Variants in KCNK2 observed in about 807,000 individuals in gnomAD.
KCNK2 encodes the protein potassium two pore domain channel subfamily K member 2, also known as potassium channel subfamily K member 2.
Under a neutral mutation model 40.5 loss-of-function variants are expected in KCNK2, and 21 were observed. The observed-to-expected ratio is 0.52, with a 90% CI of 0.37 to 0.75. The LOEUF is 0.75. Ranked by LOEUF, KCNK2 falls within the 30% of genes least tolerant of loss-of-function variation. KCNK2 has a pLI of 0.00. For missense variants in KCNK2, 399 were observed against 531.6 expected, an observed-to-expected ratio of 0.75 and a Z score of 2.45; for synonymous variants, 191 against 202.2, an observed-to-expected ratio of 0.94 and a Z score of 0.47.
At chr1:215,019,311 G>A (rs1656704636) in intron 1 of KCNK2, among the ~76,000 whole-genome samples, 1 of 152,180 alleles carries the variant, frequency 6.6e-6, no homozygotes, top group Non-Finnish European at 1.5e-5. Context: ...TTCAAAAACA[G>A]CATGTTGCAA....
intron 2 of KCNK2, among the ~76,000 whole-genome samples, chr1:215,108,254 G>A (rs1571621431): frequency 6.6e-6 from 1 of 152,092 alleles, no homozygotes; most frequent in Admixed American, 6.6e-5. Context: ...CTGTGGCTTG[G>A]GGGCTGGGGA....
intron 1 of KCNK2, among the ~76,000 whole-genome samples, chr1:215,061,418 A>G (rs1047441553): frequency 2.6e-5 from 4 of 152,092 alleles, no homozygotes; most frequent in Admixed American, 6.6e-5. Flanking sequence ...TTTAGTTTCA[A>G]TGTTCCTCTT....
At chr1:215,230,092 T>TATACAC (rs1198375667) in intron 6 of KCNK2, among the ~76,000 whole-genome samples, 3,801 of 141,214 alleles carry the variant, frequency 0.027, 93 homozygotes, top group Middle Eastern at 0.047. Flanking sequence ...TGTGTGTGTA[T>TATACAC]ACACACACAC....
At chr1:215,095,661 C>T (rs1440146524) in intron 2 of KCNK2, among the ~76,000 whole-genome samples, 1 of 151,920 alleles carries the variant, frequency 6.6e-6, no homozygotes, top group Admixed American at 6.6e-5. Context: ...GTTTTTTTCA[C>T]CCCAGGCTCC....
At chr1:215,180,016 C>G (rs971062198) in intron 5 of KCNK2, among the ~76,000 whole-genome samples, 17 of 151,696 alleles carry the variant, frequency 1.1e-4, no homozygotes, top group African/African-American at 4.1e-4. Flanking sequence ...TCTGGAAGAG[C>G]CTGTTTTATG....
intron 3 of KCNK2, among the ~76,000 whole-genome samples, chr1:215,125,908 G>A (rs1204026128): frequency 6.6e-6 from 1 of 151,184 alleles, no homozygotes; most frequent in Non-Finnish European, 1.5e-5. Flanking sequence ...AGAAGGAAAT[G>A]GGCTCATCAT....
intron 6 of KCNK2, among the ~76,000 whole-genome samples, chr1:215,230,528 T>TATACAAATAACAGCC (rs1553276494): frequency 1.1e-5 from 1 of 87,980 alleles, no homozygotes; most frequent in African/African-American, 5.3e-5. Flanking sequence ...TATATATATA[T>TATACAAATAACAGCC]ATATGTATAT....
At chr1:215,134,800 G>A (rs901785715) in intron 3 of KCNK2, among the ~76,000 whole-genome samples, 10 of 152,002 alleles carry the variant, frequency 6.6e-5, no homozygotes, top group African/African-American at 1.2e-4. Context: ...ATCAAAGACC[G>A]ATTATTAGAA....
chr1:215,132,369 T>C (rs1262608658), intron 3 of KCNK2, among the ~76,000 whole-genome samples: 1 of 152,192 alleles, frequency 6.6e-6, no homozygotes, highest in Non-Finnish European at 1.5e-5. Flanking sequence ...CTTATTAACT[T>C]AGTACACTCA....
At chr1:215,096,738 A>G (rs916758436) in intron 2 of KCNK2, among the ~76,000 whole-genome samples, 1 of 151,976 alleles carries the variant, frequency 6.6e-6, no homozygotes, top group Non-Finnish European at 1.5e-5. Flanking sequence ...ACACATTTTT[A>G]AAGATATGGA....
chr1:215,219,533 G>T (rs1666088821), intron 6 of KCNK2, among the ~76,000 whole-genome samples: 1 of 152,146 alleles, frequency 6.6e-6, no homozygotes, highest in Non-Finnish European at 1.5e-5. Context: ...CACAGGGAAA[G>T]CTCTTCTCAT....
At chr1:215,108,881 C>T (rs915665367) in intron 2 of KCNK2, among the ~76,000 whole-genome samples, 15 of 144,874 alleles carry the variant, frequency 1.0e-4, no homozygotes, top group Admixed American at 2.7e-4. Flanking sequence ...AATATCTTCA[C>T]GTGCTAACAT....
At chr1:215,226,499 G>A (rs1666391095) in intron 6 of KCNK2, among the ~76,000 whole-genome samples, 1 of 152,020 alleles carries the variant, frequency 6.6e-6, no homozygotes. Context: ...CTAATTTTAT[G>A]TATTTTTGGT....
intron 2 of KCNK2, among the ~76,000 whole-genome samples, chr1:215,087,162 G>C (rs1334727867): frequency 6.6e-6 from 1 of 152,232 alleles, no homozygotes; most frequent in East Asian, 1.9e-4. Context: ...AGATAGAAAA[G>C]ATGAATTCAT....
chr1:215,182,024 C>A (rs1664236247), intron 5 of KCNK2, among the ~76,000 whole-genome samples: 1 of 152,176 alleles, frequency 6.6e-6, no homozygotes, highest in African/African-American at 2.4e-5. Context: ...GTTCTCTATA[C>A]AGGGATGGGG....
chr1:215,044,011 C>G (rs1332990387), intron 1 of KCNK2, among the ~76,000 whole-genome samples: 1 of 151,734 alleles, frequency 6.6e-6, no homozygotes, highest in Non-Finnish European at 1.5e-5. Context: ...ATAAGGGGAT[C>G]AAACAAAGAT....
chr1:215,194,174 G>T (rs995376106), intron 5 of KCNK2, among the ~76,000 whole-genome samples: 1 of 151,988 alleles, frequency 6.6e-6, no homozygotes, highest in African/African-American at 2.4e-5. Flanking sequence ...ATATTAATGG[G>T]GTACTAAACA....
intron 3 of KCNK2, among the ~76,000 whole-genome samples, chr1:215,166,086 A>G (rs1663432032): frequency 6.6e-6 from 1 of 152,172 alleles, no homozygotes; most frequent in African/African-American, 2.4e-5. Flanking sequence ...GATTTCAGTA[A>G]ATTCAGATAT....
At chr1:215,190,186 G>T (rs537781282) in intron 5 of KCNK2, among the ~76,000 whole-genome samples, 1 of 152,058 alleles carries the variant, frequency 6.6e-6, no homozygotes, top group African/African-American at 2.4e-5. Context: ...AGGGGATGTT[G>T]TATGCCCAAG....
Sources: gnomAD v4.1 joint callset for allele counts (sites outside exome capture counted in the v4.1 genomes callset) on GRCh38, gnomAD v4.1.1 for gene constraint, MANE v1.5 for transcripts, NCBI Gene and HGNC (gene_info 2026-07-23, HGNC 2026-07-21) for gene names.